Variants in GALNT7 observed in about 807,000 individuals in gnomAD.
The protein encoded by GALNT7 is polypeptide N-acetylgalactosaminyltransferase 7, also known as N-acetylgalactosaminyltransferase 7.
In GALNT7, 60 loss-of-function variants were observed where a neutral mutation model predicts 82.1. The ratio of observed to expected loss-of-function variants is 0.73; its 90% CI spans 0.59 to 0.91. The LOEUF is 0.91. Among genes scored for constraint, GALNT7 ranks in the 40% least tolerant of loss-of-function variants. GALNT7 has a pLI of 0.00. For synonymous variants in GALNT7, 243 were observed against 275.1 expected (o/e 0.88, Z 1.15); for missense variants, 660 against 804.2 (o/e 0.82, Z 2.17).
At chr4:173,319,051 A>G (rs1737710277) in intron 11 of GALNT7, among the ~76,000 whole-genome samples, 1 of 152,136 alleles carries the variant, frequency 6.6e-6, no homozygotes, top group Admixed American at 6.6e-5. Flanking sequence ...TGTGCTAAAT[A>G]CAGTGGGATA....
chr4:173,222,214 T>C (rs986758741), intron 1 of GALNT7, among the ~76,000 whole-genome samples: 4 of 152,194 alleles, frequency 2.6e-5, no homozygotes, highest in African/African-American at 9.7e-5. Context: ...TTTAATAATC[T>C]ATACCACATA....
Position 173,247,978 on chromosome 4 carries a change from A to G in GALNT7, c.127-2A>G. The G allele has an allele frequency of 6.3e-7, 1 of 1,598,932 alleles. No homozygotes were observed. Among genetic ancestry groups the G allele is most frequent in the Non-Finnish European group, 8.6e-7 (1 of 1,168,284 alleles). ...ATTGTATATCCCCTCCCTTTTGTAT[A>G]GGAAGACAGAGATGTCAATGACCCC... is the stretch of plus-strand genomic sequence containing the variant. On this transcript the variant is annotated splice_acceptor_variant, in intron 1 of 11. Transcript: ENST00000265000. LOFTEE classifies it high-confidence loss of function.
intron 8 of GALNT7, 67 bp from the exon 9 acceptor site, chr4:173,313,891 T>C (rs376810753): frequency 1.4e-6 from 1 of 697,156 alleles, no homozygotes; most frequent in South Asian, 2.6e-5. Flanking sequence ...GTGTCTAATA[T>C]AGGCTGTTTA....
intron 1 of GALNT7, among the ~76,000 whole-genome samples, chr4:173,183,043 AACACACACACACACACACACACACACAC>A (rs35043722): frequency 8.0e-6 from 1 of 125,034 alleles, no homozygotes; most frequent in Non-Finnish European, 1.7e-5. Flanking sequence ...CACACACATA[AACACACACACACACACACACACACACAC>A]ACACACACAC....
intron 1 of GALNT7, among the ~76,000 whole-genome samples, chr4:173,191,112 A>G (rs763045815): frequency 1.3e-5 from 2 of 152,160 alleles, no homozygotes; most frequent in African/African-American, 2.4e-5. Context: ...AGTGATTCCA[A>G]GAAGAACTAG....
chr4:173,269,057 A>C (rs935982461), intron 2 of GALNT7, among the ~76,000 whole-genome samples: 1 of 152,170 alleles, frequency 6.6e-6, no homozygotes, highest in African/African-American at 2.4e-5. Flanking sequence ...TAATAAACCC[A>C]AATCTCAGTA....
intron 1 of GALNT7, among the ~76,000 whole-genome samples, chr4:173,172,757 C>T (rs1371305465): frequency 6.6e-6 from 1 of 152,132 alleles, no homozygotes; most frequent in Non-Finnish European, 1.5e-5. Context: ...CAGGAGGTAG[C>T]ATGAGTGAAA....
chr4:173,213,863 T>C (rs1236958533), intron 1 of GALNT7, among the ~76,000 whole-genome samples: 1 of 152,196 alleles, frequency 6.6e-6, no homozygotes, highest in Non-Finnish European at 1.5e-5. Flanking sequence ...ATCTTTCTCC[T>C]TGATTAAATT....
chr4:173,197,191 C>G (rs1202485561), intron 1 of GALNT7, among the ~76,000 whole-genome samples: 1 of 150,858 alleles, frequency 6.6e-6, no homozygotes, highest in Non-Finnish European at 1.5e-5. Flanking sequence ...TAACCTCAGA[C>G]TTCCAGACTC....
chr4:173,283,681 G>A (rs1045960868), intron 2 of GALNT7, among the ~76,000 whole-genome samples: 3 of 151,832 alleles, frequency 2.0e-5, no homozygotes, highest in Admixed American at 6.6e-5. Context: ...CTCACCACAG[G>A]TTAGGAACCC....
chr4:173,250,347 AT>A (rs1269155508), intron 2 of GALNT7, among the ~76,000 whole-genome samples: 3 of 152,200 alleles, frequency 2.0e-5, no homozygotes, highest in Non-Finnish European at 4.4e-5. Flanking sequence ...CAATATAAAT[AT>A]AGCTAACTTT....
chr4:173,311,403 G>A (rs1050996776), intron 8 of GALNT7, among the ~76,000 whole-genome samples: 2 of 152,126 alleles, frequency 1.3e-5, no homozygotes, highest in African/African-American at 4.8e-5. Context: ...CTTGAGACTC[G>A]GTAATTTATA....
At chr4:173,233,509 A>G (rs187550058) in intron 1 of GALNT7, among the ~76,000 whole-genome samples, 222 of 152,322 alleles carry the variant, frequency 1.5e-3, no homozygotes, top group African/African-American at 5.2e-3. Flanking sequence ...TTTTTCATAT[A>G]TCTGCAGTAT....
chr4:173,302,535 T>C lies in GALNT7; in HGVS notation c.1266+371T>C, dbSNP rs922805513. Among the ~76,000 whole-genome samples the C allele has an allele frequency of 5.3e-5, 8 of 152,210 alleles. No homozygotes were observed. Among genetic ancestry groups the C allele is most frequent in the Admixed American group, 1.3e-4 (2 of 15,284 alleles). Reference sequence around the variant, plus strand: ...CACTGACACAGTCACCCTTTACCACTGTAGGACATGATTCAAGACAGAAGC... The same window carrying C: ...CACTGACACAGTCACCCTTTACCACCGTAGGACATGATTCAAGACAGAAGC... On this transcript the variant is annotated intron_variant, in intron 7 of 11. Transcript: ENST00000265000. The surrounding 1 kb of genome is among the most constrained non-coding windows in gnomAD (Gnocchi z 4.2).
chr4:173,312,780 C>T (rs542600213), intron 8 of GALNT7, among the ~76,000 whole-genome samples: 2 of 152,116 alleles, frequency 1.3e-5, no homozygotes, highest in East Asian at 3.9e-4. Flanking sequence ...CAACTGGGGT[C>T]GGGGGCAATG....
At chr4:173,254,999 T>C (rs1285239243) in intron 2 of GALNT7, among the ~76,000 whole-genome samples, 4 of 152,234 alleles carry the variant, frequency 2.6e-5, no homozygotes, top group Non-Finnish European at 5.9e-5. Flanking sequence ...TAGAATTTTC[T>C]CAAGTTGATT....
At chr4:173,228,488 T>G (rs1360664775) in intron 1 of GALNT7, among the ~76,000 whole-genome samples, 1 of 152,082 alleles carries the variant, frequency 6.6e-6, no homozygotes, top group Non-Finnish European at 1.5e-5. Flanking sequence ...ATAATTTTTC[T>G]AACTGTTCTC....
intron 1 of GALNT7, among the ~76,000 whole-genome samples, chr4:173,195,405 G>C (rs79555610): frequency 0.013 from 1,936 of 152,248 alleles, 34 homozygotes; most frequent in East Asian, 0.055. Flanking sequence ...GGAGTCTAAT[G>C]CCCTTCCATT....
At chr4:173,295,718 G>A (rs1471929142) in intron 4 of GALNT7, 46 bp from the exon 5 acceptor site, 3 of 1,231,714 alleles carry the variant, frequency 2.4e-6, no homozygotes, top group Non-Finnish European at 3.6e-6. Flanking sequence ...AATATATGAT[G>A]TAACGTATAT....
Sources: gnomAD v4.1 joint callset for allele counts (sites outside exome capture counted in the v4.1 genomes callset) on GRCh38, gnomAD v4.1.1 for gene constraint, Gnocchi (gnomAD v3.1) non-coding constraint, MANE v1.5 for transcripts, NCBI Gene and HGNC (gene_info 2026-07-23, HGNC 2026-07-21) for gene names.